The following SLC4A5 variants were observed in gnomAD, a reference collection of about 807,000 sequenced individuals.
The protein encoded by SLC4A5 is solute carrier family 4 member 5.
A neutral mutation model predicts 120.4 loss-of-function variants in SLC4A5; 96 were observed. That is an observed-to-expected ratio of 0.80 (90% CI 0.68 to 0.94). SLC4A5 has a LOEUF of 0.94. SLC4A5 is among the 40% of genes least tolerant of loss of function. The pLI, the probability that SLC4A5 is intolerant of heterozygous loss-of-function variation, is 0.00. For synonymous variants in SLC4A5, 550 were observed against 571.1 expected (o/e 0.96, Z 0.53); for missense variants, 1,259 against 1,459.5 (o/e 0.86, Z 2.24).
intron 14 of SLC4A5, 69 bp downstream of exon 14, chr2:74,254,550 G>T: frequency 2.5e-6 from 3 of 1,210,226 alleles, no homozygotes; most frequent in Middle Eastern, 1.9e-4. Flanking sequence ...ATAAGTTAAT[G>T]AATGAAGGTG....
At chr2:74,304,042 G>T (rs1672558176) in intron 7 of SLC4A5, among the ~76,000 whole-genome samples, 1 of 151,778 alleles carries the variant, frequency 6.6e-6, no homozygotes. Flanking sequence ...GTAGAGACGG[G>T]GTTTCACCGT....
At chr2:74,228,344 C>A (rs1220562060) in intron 25 of SLC4A5, among the ~76,000 whole-genome samples, 1 of 152,162 alleles carries the variant, frequency 6.6e-6, no homozygotes, top group Non-Finnish European at 1.5e-5. Context: ...AATCACGCAT[C>A]CGGCCGGGTG....
intron 8 of SLC4A5, among the ~76,000 whole-genome samples, chr2:74,283,767 G>A (rs12615463): frequency 0.15 from 22,738 of 151,994 alleles, 2,561 homozygotes; most frequent in East Asian, 0.47. Context: ...TCTTCGAGGA[G>A]TGAAAATATT....
At chr2:74,307,187 C>T in intron 6 of SLC4A5, 1 of 552,496 alleles carries the variant, frequency 1.8e-6, no homozygotes, top group Non-Finnish European at 3.4e-6. Context: ...CTGTGGTGCT[C>T]TCCTCCATCT....
At chr2:74,234,248 C>T (rs374679320) in intron 22 of SLC4A5, among the ~76,000 whole-genome samples, 19 of 151,444 alleles carry the variant, frequency 1.3e-4, no homozygotes, top group Non-Finnish European at 1.9e-4. Flanking sequence ...GCGTGATCTC[C>T]GCTCACTGCA....
chr2:74,328,629 C>T (rs1415490720), intron 4 of SLC4A5, among the ~76,000 whole-genome samples: 1 of 152,154 alleles, frequency 6.6e-6, no homozygotes, highest in Non-Finnish European at 1.5e-5. Flanking sequence ...CAGAGAGGGG[C>T]AGTGGCATTT....
In SLC4A5 at chr2:74,274,918, G is replaced by A. The variant is rs114997059; in HGVS notation, c.402-9654C>T. ...AGTTAAGTGATTCCAGTGTTTAATA[G>A]ACTTAGGATGATCTTTCATCTCTAC... On this transcript the variant is annotated intron_variant, in intron 8 of 30. Transcript: ENST00000394019. Among the ~76,000 whole-genome samples, 180 of 152,312 alleles carry A rather than the reference G, an allele frequency of 1.2e-3. 1 individual carries two copies. The highest frequency in any genetic ancestry group is 4.1e-3 in the African/African-American group (171 of 41,564).
At chr2:74,223,512 G>A (rs1231790180) in intron 28 of SLC4A5, among the ~76,000 whole-genome samples, 1 of 152,206 alleles carries the variant, frequency 6.6e-6, no homozygotes, top group Admixed American at 6.5e-5. Flanking sequence ...AGTTTTATCT[G>A]TCACAGCAAC....
intron 4 of SLC4A5, among the ~76,000 whole-genome samples, chr2:74,332,722 T>TGC (rs1192670029): frequency 1.3e-5 from 2 of 151,930 alleles, no homozygotes; most frequent in African/African-American, 4.8e-5. Context: ...TGTGTGTGTG[T>TGC]GTGCGTGTGT....
intron 8 of SLC4A5, among the ~76,000 whole-genome samples, chr2:74,282,249 G>A (rs938973131): frequency 6.6e-6 from 1 of 152,196 alleles, no homozygotes; most frequent in Non-Finnish European, 1.5e-5. Flanking sequence ...AGAGTTATCT[G>A]GAAACCAGAT....
intron 6 of SLC4A5, chr2:74,307,910 G>C (rs1672695439): frequency 4.0e-6 from 2 of 497,000 alleles, no homozygotes; most frequent in South Asian, 3.3e-5. Context: ...CATAGACACT[G>C]GCCACACTGC....
intron 5 of SLC4A5, among the ~76,000 whole-genome samples, chr2:74,326,567 T>A (rs898916292): frequency 6.6e-6 from 1 of 152,164 alleles, no homozygotes; most frequent in Non-Finnish European, 1.5e-5. Context: ...ACGCCTGTAA[T>A]CCCAGCACTT....
Position 74,314,930 on chromosome 2 carries a change from T to G in SLC4A5, c.79+15A>C. 2.5e-6 allele frequency: 4 copies of G among 1,612,246 alleles called. No individual in the cohort carries two copies. The highest frequency in any genetic ancestry group is 3.4e-6 in the Non-Finnish European group (4 of 1,178,324). ...GCCTCCTGAGATTTGCATCAAGTCCTCAAAGTGACCTCACCTTTCTGATCC... is the reference window on the plus strand; with the variant it reads ...GCCTCCTGAGATTTGCATCAAGTCCGCAAAGTGACCTCACCTTTCTGATCC... On this transcript the variant is annotated intron_variant, in intron 6 of 30. Coordinates refer to ENST00000394019, the Ensembl canonical transcript of SLC4A5.
chr2:74,336,327 C>T (rs1673491390), intron 3 of SLC4A5, among the ~76,000 whole-genome samples: 1 of 152,142 alleles, frequency 6.6e-6, no homozygotes, highest in Non-Finnish European at 1.5e-5. Context: ...CCTCAGCCTC[C>T]CAAAGTGCTG....
At chr2:74,336,881 T>C (rs968024144) in intron 3 of SLC4A5, among the ~76,000 whole-genome samples, 4 of 152,162 alleles carry the variant, frequency 2.6e-5, no homozygotes, top group African/African-American at 9.7e-5. Flanking sequence ...GCCAGGCCAT[T>C]CTATGCTCAT....
chr2:74,230,810 CT>C (rs951550432), intron 25 of SLC4A5, among the ~76,000 whole-genome samples: 1 of 151,602 alleles, frequency 6.6e-6, no homozygotes, highest in Admixed American at 6.6e-5. Flanking sequence ...TCTTTTCTTT[CT>C]TTTTTTTGTT....
At chr2:74,329,370 A>T (rs1352389513) in intron 4 of SLC4A5, among the ~76,000 whole-genome samples, 1 of 152,104 alleles carries the variant, frequency 6.6e-6, no homozygotes, top group African/African-American at 2.4e-5. Flanking sequence ...CGGGCAGATC[A>T]CCTGAGTTCA....
intron 7 of SLC4A5, 67 bp downstream of exon 7, chr2:74,304,422 C>T: frequency 2.0e-6 from 3 of 1,465,390 alleles, no homozygotes; most frequent in East Asian, 2.4e-5. Flanking sequence ...TCCCCCCTGC[C>T]CTGCTGGGTC....
At chr2:74,308,703 C>G (rs950137407) in intron 6 of SLC4A5, among the ~76,000 whole-genome samples, 1 of 151,452 alleles carries the variant, frequency 6.6e-6, no homozygotes, top group African/African-American at 2.4e-5. Flanking sequence ...TTTCACAGAG[C>G]AGAAGTTTTC....
Sources: allele counts gnomAD v4.1 joint callset (sites outside exome capture counted in the v4.1 genomes callset), GRCh38; gene constraint gnomAD v4.1.1; transcripts MANE v1.5; gene names NCBI Gene and HGNC (gene_info 2026-07-23, HGNC 2026-07-21).